ZNF638: variants seen among roughly 807,000 people sequenced by gnomAD.
The protein encoded by ZNF638 is CTCL tumor antigen se33-1.
In ZNF638, 46 loss-of-function variants were observed where a neutral mutation model predicts 195.6. The ratio of observed to expected loss-of-function variants is 0.24; its 90% CI spans 0.19 to 0.30. The LOEUF (loss-of-function observed/expected upper bound fraction) is 0.30. ZNF638 is among the 10% of genes least tolerant of loss of function. The pLI, the probability that ZNF638 is intolerant of heterozygous loss-of-function variation, is 1.00. For synonymous variants in ZNF638, 845 were observed against 772.0 expected (o/e 1.09, Z -1.57); for missense variants, 2,440 against 2,325.3 (o/e 1.05, Z -1.01).
chr2:71,375,089 C>T (rs1409676767), intron 8 of ZNF638: 5 of 151,930 alleles, frequency 3.3e-5, no homozygotes, highest in Non-Finnish European at 5.9e-5. Flanking sequence ...TTTTAGTTCT[C>T]ATATGTTTTC....
At position 71,349,086 on chromosome 2, in the gene ZNF638, A is replaced by C; in HGVS notation, c.132A>C (p.Pro44=). The C allele has an allele frequency of 6.2e-7, 1 of 1,614,234 alleles. No individual in the cohort carries two copies. Among genetic ancestry groups the C allele is most frequent in the Non-Finnish European group, 8.5e-7 (1 of 1,180,030 alleles). The change falls in exon 2 of 28, where the codon CCA becomes CCC. Residue 44 remains proline, a synonymous_variant. Transcript: ENST00000264447. ...CTATGGGTCTCCCAAGATTTTACCC[A>C]GCAGGGAGAGCACGTGGAATTCCAC... ...PGSMGLPRFY[P]AGRARGIPHR...
intron 26 of ZNF638, among the ~76,000 whole-genome samples, chr2:71,431,867 T>TA (rs571631829): frequency 4.2e-4 from 64 of 152,364 alleles, no homozygotes; most frequent in African/African-American, 1.4e-3. Flanking sequence ...TTGCATGTTT[T>TA]ACACAGTGGC....
intron 10 of ZNF638, chr2:71,393,294 C>A: frequency 4.8e-6 from 3 of 625,914 alleles, no homozygotes; most frequent in South Asian, 2.0e-5. Flanking sequence ...GACATAAAAC[C>A]CGCAGTTTTA....
At chr2:71,358,104 G>T (rs2079053404) in intron 3 of ZNF638, among the ~76,000 whole-genome samples, 1 of 151,970 alleles carries the variant, frequency 6.6e-6, no homozygotes, top group Non-Finnish European at 1.5e-5. Context: ...ACATTCCTTG[G>T]CTTGTAGCCT....
chr2:71,368,551 A>G lies in ZNF638; in HGVS notation c.2142+23A>G, dbSNP rs1227267136. 3.1e-6 allele frequency: 5 copies of G among 1,608,148 alleles called. No homozygotes were observed. In the Admixed American group the frequency reaches 6.8e-5, roughly 22 times the overall value. ...GAGGTGAGTCATTTAGTCTGTGGCAAAAATTCATACAAAGTGATTGCTTTA... is the reference window on the plus strand; with the variant it reads ...GAGGTGAGTCATTTAGTCTGTGGCAGAAATTCATACAAAGTGATTGCTTTA... On this transcript the variant is annotated intron_variant, in intron 7 of 27. Transcript: ENST00000264447.
Position 71,427,150 on chromosome 2 carries a change from T to A in ZNF638, c.5281T>A (p.Ser1761Thr), listed in dbSNP as rs777867459. The A allele has an allele frequency of 1.1e-5, 18 of 1,612,704 alleles. 1 individual carries two copies. The East Asian group carries it at 1.8e-4, about 16-fold the overall frequency. The part of the protein sequence containing the change: ...LDEVTEEDED[S>T]LADFNNLKEE... ...TGAAGTAACTGAAGAGGATGAAGAC[T>A]CTCTGGCGGATTTTAACAACCTTAA... Residue 1761 changes from serine (S) to threonine (T), a missense_variant, in exon 24 of 28, where the codon TCT becomes ACT. Physicochemically the swap from Ser to Thr is moderately conservative, Grantham distance 58 (BLOSUM62 1). Transcript: ENST00000264447.
At chr2:71,385,930 T>C (rs115735381) in intron 10 of ZNF638, among the ~76,000 whole-genome samples, 175 of 152,262 alleles carry the variant, frequency 1.1e-3, no homozygotes, top group Middle Eastern at 3.4e-3. Context: ...GCGAGCACTT[T>C]GAATAATGGA....
At position 71,331,791 on chromosome 2, in the gene ZNF638, A is replaced by T; in HGVS notation, c.-287A>T. 2 of 986,044 alleles carry T rather than the reference A, an allele frequency of 2.0e-6. No individual in the cohort carries two copies. The highest frequency in any genetic ancestry group is 2.4e-6 in the Non-Finnish European group (2 of 830,112). The allele number at this position is 986,044 out of a possible 1,614,324, so 61.1% of individuals were successfully genotyped here. A position where few individuals can be genotyped will look rare whatever the true frequency, so the allele number is the denominator to read the frequency against. On this transcript the variant is annotated 5_prime_UTR_variant, in exon 1 of 28. Transcript: ENST00000264447. Reference sequence around the variant, plus strand: ...ATGCGTGCAGCTCTTTGGAGGCGGTAGCGTTTTCGGCGTCGAGACTGGAGG... The same window carrying T: ...ATGCGTGCAGCTCTTTGGAGGCGGTTGCGTTTTCGGCGTCGAGACTGGAGG...
chr2:71,429,311 T>G (rs937679979), intron 25 of ZNF638, among the ~76,000 whole-genome samples: 2 of 152,186 alleles, frequency 1.3e-5, no homozygotes, highest in Non-Finnish European at 2.9e-5. Flanking sequence ...ACTTACCAAG[T>G]ATGATTTGGT....
intron 10 of ZNF638, among the ~76,000 whole-genome samples, chr2:71,389,240 G>T (rs1191620170): frequency 6.6e-6 from 1 of 152,166 alleles, no homozygotes; most frequent in Non-Finnish European, 1.5e-5. Context: ...CTACAGCTGT[G>T]GGACCCTGTC....
intron 1 of ZNF638, among the ~76,000 whole-genome samples, chr2:71,342,026 T>C (rs2104118617): frequency 6.6e-6 from 1 of 152,162 alleles, no homozygotes; most frequent in African/African-American, 2.4e-5. Flanking sequence ...TACAAATTAA[T>C]ATTTTCCACC....
At chr2:71,358,691 C>A (rs1393432450) in intron 3 of ZNF638, among the ~76,000 whole-genome samples, 1 of 152,186 alleles carries the variant, frequency 6.6e-6, no homozygotes, top group Non-Finnish European at 1.5e-5. Context: ...TTCTTACCTT[C>A]TGCACATTTT....
chr2:71,427,933 C>T (rs995954383), intron 24 of ZNF638, among the ~76,000 whole-genome samples: 8 of 152,072 alleles, frequency 5.3e-5, no homozygotes, highest in Non-Finnish European at 4.4e-5. Flanking sequence ...GGCTCACTCC[C>T]GTAATCTCAG....
At chr2:71,404,117 A>C in intron 17 of ZNF638, 119 bp downstream of exon 17, 1 of 1,014,878 alleles carries the variant, frequency 9.9e-7, no homozygotes, top group East Asian at 2.6e-5. Context: ...ACACTGAGAA[A>C]GCTTCTTCCT....
chr2:71,423,034 G>A lies in ZNF638; in HGVS notation c.3520G>A (p.Val1174Ile). 17 of 1,614,106 alleles carry A rather than the reference G, an allele frequency of 1.1e-5. No homozygotes were observed. The highest frequency in any genetic ancestry group is 2.2e-5 in the East Asian group (1 of 44,872). Residue 1174 changes from valine (V) to isoleucine (I), a missense_variant, in exon 22 of 28, where the codon GTC becomes ATC. Transcript: ENST00000264447. The part of the protein sequence containing the change: ...TLELETQGEE[V>I]KEEIPLVASA... ...GGAGCTTGAAACTCAAGGAGAGGAG[G>A]TCAAAGAAGAAATTCCTCTTGTAGC...
rs1051330817 is a variant in ZNF638, at chr2:71,402,142, AACATT to A, written c.2829+57_2829+61del. 19 of 1,509,642 alleles carry A rather than the reference AACATT, an allele frequency of 1.3e-5. No individual in the cohort carries two copies. The African/African-American group carries it at 1.7e-4, about 13-fold the overall frequency. 93.5% of individuals were successfully genotyped at this position (1,509,642 alleles called of 1,614,324 possible). The stretch of plus-strand genomic sequence containing the variant: ...CTCTGCAAGCATGCATGCTTTGAAA[AACATT>A]AAATTTACAAAACTAAAAAGAAAAG... On this transcript the variant is annotated intron_variant, in intron 16 of 27. Coordinates refer to ENST00000264447, the MANE Select transcript of ZNF638 (RefSeq NM_014497.5).
intron 26 of ZNF638, 60 bp from the exon 27 acceptor site, chr2:71,433,105 A>G (rs2152610844): frequency 7.9e-7 from 1 of 1,273,700 alleles, no homozygotes; most frequent in African/African-American, 1.5e-5. Context: ...GAATAAATCG[A>G]TGAACACAAC....
intron 3 of ZNF638, among the ~76,000 whole-genome samples, chr2:71,362,342 C>A (rs1302958440): frequency 6.6e-6 from 1 of 152,244 alleles, no homozygotes; most frequent in African/African-American, 2.4e-5. Flanking sequence ...TTCTAAATAT[C>A]TCAGCTCTCA....
intron 1 of ZNF638, among the ~76,000 whole-genome samples, chr2:71,342,905 T>G (rs2078786480): frequency 6.6e-6 from 1 of 152,224 alleles, no homozygotes; most frequent in Admixed American, 6.5e-5. Flanking sequence ...ATTATGCCTT[T>G]GTCAGAAATA....
Sources: gnomAD v4.1 joint callset for allele counts (sites outside exome capture counted in the v4.1 genomes callset) on GRCh38, gnomAD v4.1.1 for gene constraint, MANE v1.5 for transcripts, NCBI Gene and HGNC (gene_info 2026-07-23, HGNC 2026-07-21) for gene names.